Variants in NEK11 observed in about 807,000 individuals in gnomAD.
The protein encoded by NEK11 is NIMA related kinase 11, also known as serine/threonine-protein kinase Nek11.
Under a neutral mutation model 80.7 loss-of-function variants are expected in NEK11, and 72 were observed. The ratio of observed to expected loss-of-function variants is 0.89; its 90% confidence interval spans 0.74 to 1.08. The LOEUF is 1.08. NEK11 is among the 50% of genes least tolerant of loss of function. The pLI is 0.00. For synonymous variants in NEK11, 251 were observed against 260.7 expected (o/e 0.96, Z 0.36); for missense variants, 764 against 763.6 (o/e 1.00, Z -0.01).
At chr3:131,067,907 C>T (rs1255271864) in intron 3 of NEK11, among the ~76,000 whole-genome samples, 12 of 152,064 alleles carry the variant, frequency 7.9e-5, no homozygotes, top group African/African-American at 1.7e-4. Context: ...TTAAAACGGA[C>T]GGTTTTGGGG....
rs758401191 is a variant in NEK11, at chr3:131,186,015, A to C, written c.1399+15128A>C. Among the ~76,000 whole-genome samples, 101 of 152,156 alleles carry C rather than the reference A, an allele frequency of 6.6e-4. 2 individuals carry two copies. The highest frequency in any genetic ancestry group is 1.3e-4 in the Non-Finnish European group (9 of 68,024). ...TTTTGCAGGGGTTTAGTGAGGAACA[A>C]ATAAGATGATACACAAAGCTGAGCA... On this transcript the variant is annotated intron_variant, in intron 14 of 17. Coordinates refer to ENST00000383366, the MANE Select transcript of NEK11 (RefSeq NM_024800.5).
chr3:131,083,130 CTG>C (rs748368523), intron 4 of NEK11, among the ~76,000 whole-genome samples: 10 of 152,176 alleles, frequency 6.6e-5, no homozygotes, highest in Non-Finnish European at 1.2e-4. Context: ...TTCTGGCAAT[CTG>C]TGTTTTGACA....
At position 131,316,685 on chromosome 3, in the gene NEK11, T is replaced by C. The variant is rs574901317; in HGVS notation, c.1719-32872T>C. The stretch of plus-strand genomic sequence containing the variant: ...CTTTAAAAACAGTATCTTTATGTCA[T>C]CCTGTCCTTAGATGGAAACTGAGAG... On this transcript the variant is annotated intron_variant, in intron 17 of 17. Transcript: ENST00000383366. 1.3e-4 allele frequency among the ~76,000 whole-genome samples: 20 copies of C among 152,314 alleles called. No homozygotes were observed. The South Asian group carries it at 4.1e-3, about 32-fold the overall frequency.
chr3:131,163,265 A>G (rs2091856785), intron 11 of NEK11, among the ~76,000 whole-genome samples: 1 of 152,232 alleles, frequency 6.6e-6, no homozygotes, highest in Admixed American at 6.5e-5. Flanking sequence ...TGAAATCAGT[A>G]TATAGAAAAG....
At chr3:131,126,855 T>G (rs1449364559) in intron 5 of NEK11, among the ~76,000 whole-genome samples, 1 of 152,118 alleles carries the variant, frequency 6.6e-6, no homozygotes, top group African/African-American at 2.4e-5. Context: ...TTCATTGCTA[T>G]GCACTCCTTC....
chr3:131,056,819 G>T (rs1434087636), intron 3 of NEK11, among the ~76,000 whole-genome samples: 6 of 152,036 alleles, frequency 3.9e-5, no homozygotes, highest in African/African-American at 1.4e-4. Context: ...TGCCCTCTAT[G>T]TCTATAGGGA....
intron 17 of NEK11, among the ~76,000 whole-genome samples, chr3:131,310,906 T>A (rs1375099548): frequency 6.6e-6 from 1 of 152,214 alleles, no homozygotes; most frequent in East Asian, 1.9e-4. Context: ...TAGTAATTGC[T>A]TCTAGCTCCA....
intron 14 of NEK11, among the ~76,000 whole-genome samples, chr3:131,219,494 G>A (rs1464193504): frequency 5.3e-5 from 8 of 151,616 alleles, no homozygotes; most frequent in Non-Finnish European, 7.4e-5. Flanking sequence ...CCATCAGGAC[G>A]CGTGTGTATC....
At chr3:131,300,587 C>A (rs757036537) in intron 17 of NEK11, among the ~76,000 whole-genome samples, 8 of 152,088 alleles carry the variant, frequency 5.3e-5, no homozygotes, top group Admixed American at 2.6e-4. Flanking sequence ...CAGTTTCAAT[C>A]TTCTGCATAT....
chr3:131,310,438 C>T (rs888766991), intron 17 of NEK11, among the ~76,000 whole-genome samples: 2 of 152,096 alleles, frequency 1.3e-5, no homozygotes, highest in African/African-American at 4.8e-5. Flanking sequence ...ACCTCATAGA[C>T]CTCAAAGACT....
intron 15 of NEK11, among the ~76,000 whole-genome samples, chr3:131,239,265 C>T (rs2095484389): frequency 6.6e-6 from 1 of 152,178 alleles, no homozygotes; most frequent in Non-Finnish European, 1.5e-5. Flanking sequence ...TATACCCTAA[C>T]ATCTGTTGAC....
rs1455969329 is a variant in NEK11 at position 131,267,905 on chromosome 3, A to G, written c.1622-5573A>G. 2.0e-5 allele frequency among the ~76,000 whole-genome samples: 3 copies of G among 152,250 alleles called. No homozygotes were observed. In the East Asian group the frequency reaches 5.8e-4, roughly 29 times the overall value. ...TCCATACTCCTCATCACTTTCAGGT[A>G]CACCAATCAAACATAGGTTTGGTTT... is the stretch of plus-strand genomic sequence containing the variant. On this transcript the variant is annotated intron_variant, in intron 16 of 17. Coordinates refer to ENST00000383366, the MANE Select transcript of NEK11 (RefSeq NM_024800.5).
In NEK11 at chr3:131,133,949, G is replaced by A; in HGVS notation, c.640G>A (p.Asp214Asn). Residue 214 changes from aspartate to asparagine, a missense_variant, in exon 7 of 18, where the codon GAC (aspartate) becomes AAC (asparagine). Transcript: ENST00000383366. ...LKHQGYDTKS[D>N]IWSLACILYE... ...ACACCAAGGCTATGACACAAAGTCG[G>A]ACATCTGGTGAGTGGGCTAGTGGGC... The A allele has an allele frequency of 6.2e-7, 1 of 1,608,052 alleles. No individual in the cohort carries two copies. The highest frequency in any genetic ancestry group is 8.5e-7 in the Non-Finnish European group (1 of 1,176,848).
At chr3:131,193,822 G>A (rs1000441200) in intron 14 of NEK11, among the ~76,000 whole-genome samples, 6 of 152,158 alleles carry the variant, frequency 3.9e-5, no homozygotes, top group African/African-American at 1.4e-4. Context: ...TTTCTCCCAA[G>A]AGTTTGAGAG....
intron 17 of NEK11, among the ~76,000 whole-genome samples, chr3:131,281,654 A>G (rs79821612): frequency 0.013 from 2,000 of 152,286 alleles, 50 homozygotes; most frequent in African/African-American, 0.045. Context: ...GTTAGAGAAT[A>G]AATGCATACA....
intron 14 of NEK11, among the ~76,000 whole-genome samples, chr3:131,196,846 C>CTTTTCTT (rs1261123535): frequency 1.4e-4 from 19 of 138,154 alleles, no homozygotes; most frequent in African/African-American, 5.0e-4. Context: ...CTTTTCTTTT[C>CTTTTCTT]TTTTTTTTTT....
chr3:131,176,501 C>T (rs574069453), intron 14 of NEK11, among the ~76,000 whole-genome samples: 30 of 152,248 alleles, frequency 2.0e-4, no homozygotes, highest in Non-Finnish European at 4.3e-4. Context: ...GCCTGCAGTT[C>T]TCACTAATTT....
At chr3:131,075,534 C>T (rs1011680098) in intron 3 of NEK11, among the ~76,000 whole-genome samples, 2 of 151,890 alleles carry the variant, frequency 1.3e-5, no homozygotes, top group African/African-American at 2.4e-5. Flanking sequence ...TTTTCATGCC[C>T]CTTTACTTTT....
intron 16 of NEK11, among the ~76,000 whole-genome samples, chr3:131,249,746 A>G (rs1181403191): frequency 6.6e-6 from 1 of 152,136 alleles, no homozygotes; most frequent in Non-Finnish European, 1.5e-5. Flanking sequence ...AATCCTAAGG[A>G]TGTTAACATT....
Sources: gnomAD v4.1 joint callset for allele counts (sites outside exome capture counted in the v4.1 genomes callset) on GRCh38, gnomAD v4.1.1 for gene constraint, MANE v1.5 for transcripts, NCBI Gene and HGNC (gene_info 2026-07-23, HGNC 2026-07-21) for gene names.